The following CSMD1 variants were observed in gnomAD, a reference collection of about 807,000 sequenced individuals.
The protein encoded by CSMD1 is CUB and Sushi multiple domains 1, also known as CUB and sushi domain-containing protein 1.
A neutral mutation model predicts 417.5 loss-of-function variants in CSMD1; 213 were observed. That is an observed-to-expected ratio of 0.51 (90% CI 0.46 to 0.57). CSMD1 has a LOEUF of 0.57. Ranked by LOEUF, CSMD1 falls within the 20% of genes least tolerant of loss-of-function variation. The pLI is 0.00. For missense variants in CSMD1, 6,923 were observed against 4,529.7 expected, an observed-to-expected ratio of 1.53 and a Z score of -15.17; for synonymous variants, 2,862 against 1,736.8, an observed-to-expected ratio of 1.65 and a Z score of -16.11.
At chr8:4,740,528 A>G (rs1329991226) in intron 1 of CSMD1, among the ~76,000 whole-genome samples, 1 of 152,164 alleles carries the variant, frequency 6.6e-6, no homozygotes, top group African/African-American at 2.4e-5. Context: ...GTCTTCAAAT[A>G]TGGATAAGAC....
At chr8:4,008,461 T>C (rs1489798906) in intron 4 of CSMD1, among the ~76,000 whole-genome samples, 1 of 151,822 alleles carries the variant, frequency 6.6e-6, no homozygotes, top group East Asian at 1.9e-4. Context: ...ATTAAATAAA[T>C]GCTATTTAAA....
chr8:4,084,647 G>T (rs907754395), intron 3 of CSMD1, among the ~76,000 whole-genome samples: 1 of 152,056 alleles, frequency 6.6e-6, no homozygotes, highest in Non-Finnish European at 1.5e-5. Flanking sequence ...TTTAGTGATG[G>T]CACAACATTA....
At chr8:3,841,295 A>T (rs530285577) in intron 5 of CSMD1, among the ~76,000 whole-genome samples, 6 of 152,310 alleles carry the variant, frequency 3.9e-5, no homozygotes, top group Non-Finnish European at 5.9e-5. Context: ...AAACTAAATT[A>T]AAAAATGCAT....
intron 54 of CSMD1, among the ~76,000 whole-genome samples, chr8:2,991,582 G>A (rs997870260): frequency 2.0e-5 from 3 of 152,112 alleles, no homozygotes; most frequent in African/African-American, 7.2e-5. Context: ...GTTCAAAATT[G>A]CCATTTCCTT....
In CSMD1 at chr8:4,877,911, C is replaced by T. The variant is rs76172256; in HGVS notation, c.85+116421G>A. On this transcript the variant is annotated intron_variant, in intron 1 of 69. Transcript: ENST00000635120. ...GGAACATCATTGAGAAGGAAATTTC[C>T]ATCATGTACAATGGGAAAGGGACCT... 5.9e-5 allele frequency among the ~76,000 whole-genome samples: 9 copies of T among 152,142 alleles called. No individual in the cohort carries two copies. The East Asian group carries it at 1.7e-3, about 29-fold the overall frequency.
At chr8:4,050,378 A>C (rs1585207630) in intron 3 of CSMD1, among the ~76,000 whole-genome samples, 1 of 152,148 alleles carries the variant, frequency 6.6e-6, no homozygotes, top group African/African-American at 2.4e-5. Context: ...GAGAATCTAC[A>C]AACTTTTTTA....
At chr8:4,774,069 T>A (rs1016676379) in intron 1 of CSMD1, among the ~76,000 whole-genome samples, 7 of 152,240 alleles carry the variant, frequency 4.6e-5, no homozygotes, top group African/African-American at 1.7e-4. Flanking sequence ...TGGCGATAGA[T>A]GCCTGTAATC....
chr8:2,942,597 T>G lies in CSMD1; in HGVS notation c.10410A>C (p.Leu3470Phe). The change falls in exon 69 of 70, where the codon TTA becomes TTC. Residue 3470 changes from leucine to phenylalanine, a missense_variant. Leu to Phe is a conservative substitution (Grantham distance 22, BLOSUM62 0). Transcript: ENST00000635120. ...GKFKLERQDP[L>F]NPDQDSSSHY... is the part of the protein sequence containing the mutation. ...GACTGGAAGAGTCTTGATCTGGGTT[T>G]AAAGGATCTGTAAGATAAAGGAAAT... 1 of 1,584,318 alleles carries G rather than the reference T, an allele frequency of 6.3e-7. No homozygotes were observed. The highest frequency in any genetic ancestry group is 8.6e-7 in the Non-Finnish European group (1 of 1,164,274).
intron 25 of CSMD1, among the ~76,000 whole-genome samples, chr8:3,296,740 C>T (rs573456248): frequency 1.3e-5 from 2 of 152,182 alleles, no homozygotes; most frequent in Non-Finnish European, 2.9e-5. Flanking sequence ...GATGTGCTGG[C>T]CCTGTAGGTT....
intron 51 of CSMD1, among the ~76,000 whole-genome samples, chr8:3,023,236 C>T (rs772929029): frequency 6.6e-6 from 1 of 152,150 alleles, no homozygotes; most frequent in Middle Eastern, 3.2e-3. Flanking sequence ...ACAGACAGCC[C>T]AGAATTTAGG....
chr8:3,557,964 C>G (rs1799229671), intron 10 of CSMD1, among the ~76,000 whole-genome samples: 1 of 152,194 alleles, frequency 6.6e-6, no homozygotes, highest in African/African-American at 2.4e-5. Flanking sequence ...ATGTGTGCTA[C>G]TACTCCAATG....
chr8:3,409,490 C>T lies in CSMD1; in HGVS notation c.1677G>A (p.Leu559=), dbSNP rs759952964. Residue 559 remains leucine, a synonymous_variant, in exon 13 of 70, where the codon CTG becomes CTA. Transcript: ENST00000635120. The part of the protein sequence containing the change: ...LTFECPAAFE[L]VGERVITCQQ... Reference sequence around the variant, plus strand: ...GACAGGTGATAACTCTCTCCCCCACCAGCTCAAAGGCCGCCGGGCATTCAA... The same window carrying T: ...GACAGGTGATAACTCTCTCCCCCACTAGCTCAAAGGCCGCCGGGCATTCAA... 10 of 1,611,716 alleles carry T rather than the reference C, an allele frequency of 6.2e-6. No individual in the cohort carries two copies. In the South Asian group the frequency reaches 1.1e-4, roughly 18 times the overall value.
At chr8:4,994,008 GC>G (rs1415583793) in intron 1 of CSMD1, among the ~76,000 whole-genome samples, 1 of 152,118 alleles carries the variant, frequency 6.6e-6, no homozygotes. Context: ...AGGCAACACC[GC>G]CCCGGCGGAG....
intron 30 of CSMD1, among the ~76,000 whole-genome samples, chr8:3,209,562 G>C (rs189148513): frequency 6.6e-6 from 1 of 151,994 alleles, no homozygotes; most frequent in East Asian, 1.9e-4. Context: ...CTTGTGATCC[G>C]CCTGCCTCGG....
At chr8:4,460,812 CA>C (rs974279410) in intron 2 of CSMD1, among the ~76,000 whole-genome samples, 4 of 152,080 alleles carry the variant, frequency 2.6e-5, no homozygotes, top group African/African-American at 9.7e-5. Context: ...ATTCCAGGCT[CA>C]AATGGCTTCA....
intron 1 of CSMD1, among the ~76,000 whole-genome samples, chr8:4,726,711 C>T (rs377385076): frequency 4.6e-5 from 7 of 152,210 alleles, no homozygotes; most frequent in African/African-American, 1.7e-4. Flanking sequence ...TTTATTCATT[C>T]TCCTTCTGGA....
At chr8:4,567,188 A>C (rs1193826639) in intron 2 of CSMD1, among the ~76,000 whole-genome samples, 1 of 152,186 alleles carries the variant, frequency 6.6e-6, no homozygotes, top group Non-Finnish European at 1.5e-5. Context: ...GGTAGCATTT[A>C]TTTGGTTTAT....
At chr8:4,309,055 A>T (rs60078666) in intron 3 of CSMD1, among the ~76,000 whole-genome samples, 1 of 152,086 alleles carries the variant, frequency 6.6e-6, no homozygotes, top group Non-Finnish European at 1.5e-5. Flanking sequence ...CACCTATATT[A>T]CTTTTTATTA....
chr8:4,031,988 A>G lies in CSMD1; in HGVS notation c.527T>C (p.Ile176Thr). Residue 176 changes from isoleucine (I) to threonine (T), a missense_variant, in exon 4 of 70, where the codon ATC (isoleucine) becomes ACC (threonine). Transcript: ENST00000635120. ...KIRYSCLPGYILEGHAILTCI... is the reference protein window; with the variant it reads ...KIRYSCLPGYTLEGHAILTCI... ...GGTCAGGATGGCGTGGCCTTCCAAG[A>G]TGTAGCCAGGGAGGCAGCTGTACCG... The G allele has an allele frequency of 6.2e-7, 1 of 1,613,966 alleles. No individual in the cohort carries two copies. The highest frequency in any genetic ancestry group is 8.5e-7 in the Non-Finnish European group (1 of 1,179,874).
Sources: gnomAD v4.1 joint callset for allele counts (sites outside exome capture counted in the v4.1 genomes callset) on GRCh38, gnomAD v4.1.1 for gene constraint, MANE v1.5 for transcripts, NCBI Gene and HGNC (gene_info 2026-07-23, HGNC 2026-07-21) for gene names.